The following AFG1L variants were observed in gnomAD, a reference collection of about 807,000 sequenced individuals.
The protein encoded by AFG1L is AFG1 like ATPase.
In AFG1L, 53 loss-of-function variants were observed where a neutral mutation model predicts 62.2. The ratio of observed to expected loss-of-function variants is 0.85; its 90% CI spans 0.68 to 1.07. The LOEUF (loss-of-function observed/expected upper bound fraction) is 1.07, where lower values mean the gene tolerates loss of function less well. AFG1L is among the 50% of genes least tolerant of loss of function. The probability of loss-of-function intolerance (pLI) is 0.00; values close to 1 mark genes in which losing one functional copy is unlikely to be tolerated. For synonymous variants in AFG1L, 228 were observed against 210.3 expected, an observed-to-expected ratio of 1.08 and a Z score of -0.73; for missense variants, 555 against 590.5, an observed-to-expected ratio of 0.94 and a Z score of 0.62.
intron 10 of AFG1L, among the ~76,000 whole-genome samples, chr6:108,494,739 A>G (rs1464943464): frequency 1.3e-5 from 2 of 151,230 alleles, no homozygotes; most frequent in Non-Finnish European, 2.9e-5. Flanking sequence ...CACACATTTC[A>G]GTGCTCTGCT....
At chr6:108,420,580 G>A (rs1236431125) in intron 7 of AFG1L, among the ~76,000 whole-genome samples, 1 of 151,640 alleles carries the variant, frequency 6.6e-6, no homozygotes, top group Non-Finnish European at 1.5e-5. Flanking sequence ...AGATGAAAAT[G>A]GTTGTGATGT....
chr6:108,468,123 T>C (rs1772742890), intron 8 of AFG1L, among the ~76,000 whole-genome samples: 1 of 152,186 alleles, frequency 6.6e-6, no homozygotes, highest in South Asian at 2.1e-4. Context: ...TTTTTATATT[T>C]TTCCAGAGTT....
chr6:108,367,206 A>C (rs139445637), intron 6 of AFG1L, among the ~76,000 whole-genome samples: 87 of 152,246 alleles, frequency 5.7e-4, no homozygotes, highest in African/African-American at 2.0e-3. Context: ...AGTGATTTTT[A>C]TCTCTCCTGT....
At chr6:108,310,622 T>C (rs1777367782) in intron 1 of AFG1L, among the ~76,000 whole-genome samples, 1 of 149,164 alleles carries the variant, frequency 6.7e-6, no homozygotes, top group African/African-American at 2.5e-5. Flanking sequence ...TCACCTAGGC[T>C]GGAGTACAGT....
chr6:108,428,058 A>G (rs1251886196), intron 7 of AFG1L, among the ~76,000 whole-genome samples: 1 of 152,172 alleles, frequency 6.6e-6, no homozygotes, highest in East Asian at 1.9e-4. Context: ...TCTGAGTAGC[A>G]TACATTGTAC....
intron 1 of AFG1L, among the ~76,000 whole-genome samples, chr6:108,298,820 T>C (rs1263626590): frequency 6.6e-6 from 1 of 152,126 alleles, no homozygotes; most frequent in Admixed American, 6.5e-5. Context: ...AATGCCTGGA[T>C]GGGAGAATAC....
At chr6:108,323,031 T>A (rs991666280) in intron 1 of AFG1L, among the ~76,000 whole-genome samples, 3 of 152,220 alleles carry the variant, frequency 2.0e-5, no homozygotes, top group African/African-American at 7.2e-5. Flanking sequence ...CAGAAAAAGA[T>A]CTCAGAAGCA....
intron 6 of AFG1L, among the ~76,000 whole-genome samples, chr6:108,396,626 G>A (rs894334575): frequency 2.6e-5 from 4 of 152,002 alleles, no homozygotes; most frequent in African/African-American, 9.7e-5. Context: ...AGGTAACTGG[G>A]ATTACAGGTA....
intron 2 of AFG1L, among the ~76,000 whole-genome samples, chr6:108,337,483 T>G (rs1221691822): frequency 1.3e-5 from 2 of 152,246 alleles, no homozygotes; most frequent in African/African-American, 4.8e-5. Context: ...GATTGTTTTC[T>G]ACACATTATT....
chr6:108,432,985 G>A (rs527800265), intron 7 of AFG1L, among the ~76,000 whole-genome samples: 1 of 152,282 alleles, frequency 6.6e-6, no homozygotes, highest in South Asian at 2.1e-4. Flanking sequence ...ACTGGTTGTC[G>A]TGGTTACAAT....
At chr6:108,439,263 A>G (rs1004412754) in intron 7 of AFG1L, among the ~76,000 whole-genome samples, 4 of 152,204 alleles carry the variant, frequency 2.6e-5, no homozygotes, top group African/African-American at 9.7e-5. Context: ...AGCAAACGCT[A>G]TATCTTATTC....
chr6:108,308,023 A>T (rs998814492), intron 1 of AFG1L, among the ~76,000 whole-genome samples: 3 of 152,190 alleles, frequency 2.0e-5, no homozygotes, highest in Admixed American at 6.5e-5. Context: ...TTCTTTATAT[A>T]ATCTTGATGT....
At chr6:108,381,230 C>G (rs531680081) in intron 6 of AFG1L, among the ~76,000 whole-genome samples, 1 of 152,256 alleles carries the variant, frequency 6.6e-6, no homozygotes, top group South Asian at 2.1e-4. Flanking sequence ...AAAATATACA[C>G]AGAGAGAGTT....
At chr6:108,401,870 C>CT (rs1781633175) in intron 6 of AFG1L, 126 bp from the exon 7 acceptor site, 3 of 524,312 alleles carry the variant, frequency 5.7e-6, no homozygotes, top group South Asian at 5.3e-5. Context: ...CAATTTTGGT[C>CT]TTTTTTTCTT....
At chr6:108,487,132 A>G (rs1018502056) in intron 10 of AFG1L, among the ~76,000 whole-genome samples, 3 of 152,262 alleles carry the variant, frequency 2.0e-5, no homozygotes, top group African/African-American at 7.2e-5. Flanking sequence ...TAAGCCAAAT[A>G]TTATACAGCG....
intron 8 of AFG1L, among the ~76,000 whole-genome samples, chr6:108,473,705 A>G (rs530463955): frequency 2.6e-5 from 4 of 152,080 alleles, no homozygotes; most frequent in Admixed American, 2.6e-4. Context: ...TTGCAGGCGC[A>G]TGCCACCACA....
At chr6:108,360,759 A>C (rs1779493329) in intron 5 of AFG1L, among the ~76,000 whole-genome samples, 1 of 152,204 alleles carries the variant, frequency 6.6e-6, no homozygotes, top group Non-Finnish European at 1.5e-5. Flanking sequence ...TACAGGTCTT[A>C]AAGAAGTTTC....
chr6:108,351,710 T>G (rs1251505153), intron 3 of AFG1L, among the ~76,000 whole-genome samples: 1 of 152,188 alleles, frequency 6.6e-6, no homozygotes, highest in Admixed American at 6.5e-5. Context: ...AAAAATGTAT[T>G]CAATTGTTTT....
intron 8 of AFG1L, among the ~76,000 whole-genome samples, chr6:108,469,489 G>T (rs1374935694): frequency 6.6e-6 from 1 of 152,148 alleles, no homozygotes; most frequent in Non-Finnish European, 1.5e-5. Context: ...TGTCTGGCTG[G>T]TTGTGTGAGT....
Sources: gnomAD v4.1 joint callset for allele counts (sites outside exome capture counted in the v4.1 genomes callset) on GRCh38, gnomAD v4.1.1 for gene constraint, MANE v1.5 for transcripts, NCBI Gene and HGNC (gene_info 2026-07-23, HGNC 2026-07-21) for gene names.